LRRC43: variants seen among roughly 807,000 people sequenced by gnomAD.
LRRC43 encodes the protein leucine rich repeat containing 43.
In LRRC43, 62 loss-of-function variants were observed where a neutral mutation model predicts 64.3. The observed-to-expected ratio is 0.96, with a 90% CI of 0.79 to 1.19. The LOEUF is 1.19. Ranked by LOEUF, LRRC43 falls within the 50% of genes most tolerant of loss-of-function variation. The probability of loss-of-function intolerance (pLI) is 0.00; values close to 1 mark genes in which losing one functional copy is unlikely to be tolerated. For missense variants in LRRC43, 868 were observed against 845.0 expected (o/e 1.03, Z -0.34); for synonymous variants, 422 against 382.3 (o/e 1.10, Z -1.21).
chr12:122,180,390 G>A (rs1433254302), upstream of LRRC43, among the ~76,000 whole-genome samples: 1 of 152,004 alleles, frequency 6.6e-6, no homozygotes, highest in African/African-American at 2.4e-5. Context: ...ATGGTGGCGG[G>A]AGCCTGCAAT....
In LRRC43 at chr12:122,183,191, G is replaced by T. The variant is rs890083607; in HGVS notation, c.47G>T (p.Gly16Val). 6 of 1,560,872 alleles carry T rather than the reference G, an allele frequency of 3.8e-6. No homozygotes were observed. The Admixed American group carries it at 7.2e-5, about 19-fold the overall frequency. Reference sequence around the variant, plus strand: ...GAGTCCGAGTCCGAGTCTGAGGCCGGGCCTGGGACTCAGCGGCCCGGGACC... The same window carrying T: ...GAGTCCGAGTCCGAGTCTGAGGCCGTGCCTGGGACTCAGCGGCCCGGGACC... ...ESESESESEA[G>V]PGTQRPGTGT... The change falls in exon 1 of 12, where the codon GGG becomes GTG. Residue 16 changes from glycine to valine, a missense_variant. Gly to Val is a moderately radical substitution (Grantham distance 109). Coordinates refer to ENST00000339777, the MANE Select transcript of LRRC43 (RefSeq NM_001098519.2).
Position 122,200,865 on chromosome 12 carries a change from C to G in LRRC43, c.1740C>G (p.Pro580=). 9 of 1,613,050 alleles carry G rather than the reference C, an allele frequency of 5.6e-6. No homozygotes were observed. The highest frequency in any genetic ancestry group is 7.6e-6 in the Non-Finnish European group (9 of 1,179,872). The change falls in exon 10 of 12, where the codon CCC becomes CCG. Residue 580 remains proline, a synonymous_variant. Transcript: ENST00000339777. The surrounding 1 kb of genome is among the most constrained non-coding windows in gnomAD (Gnocchi z 4.6). ...TGGAGCCCCTGCTCGCCGGGGAGCC[C>G]CTGGTGTCCACCGTGTGCAACTTCG... ...VILEPLLAGE[P]LVSTVCNFGV...
chr12:122,173,238 C>T (rs1449402587), intron 1 of LRRC43, among the ~76,000 whole-genome samples: 2 of 152,190 alleles, frequency 1.3e-5, no homozygotes, highest in Non-Finnish European at 1.5e-5. Context: ...GCCAGCAGCA[C>T]CTCATCAACC....
chr12:122,184,808 T>G lies in LRRC43; in HGVS notation c.411+29T>G, dbSNP rs1417566193. 2 of 1,573,236 alleles carry G rather than the reference T, an allele frequency of 1.3e-6. No individual in the cohort carries two copies. The highest frequency in any genetic ancestry group is 2.3e-5 in the East Asian group (1 of 42,704). On this transcript the variant is annotated intron_variant, in intron 2 of 11. Coordinates refer to ENST00000339777, the MANE Select transcript of LRRC43 (RefSeq NM_001098519.2). This position sits in a 1 kb window ranked among gnomAD's most constrained non-coding sequence, Gnocchi z 4.0. ...AGTGCTGGGCACGTGGTAGGTGATGTTAGGGTGGCCGCTCCCCTAAGGGAG... is the reference window on the plus strand; with the variant it reads ...AGTGCTGGGCACGTGGTAGGTGATGGTAGGGTGGCCGCTCCCCTAAGGGAG...
At chr12:122,181,339 C>A (rs750305884), upstream of LRRC43, among the ~76,000 whole-genome samples, 1 of 151,716 alleles carries the variant, frequency 6.6e-6, no homozygotes, top group Non-Finnish European at 1.5e-5. Flanking sequence ...GTCAGGAGAT[C>A]GAGACCATCC....
intron 1 of LRRC43, 45 bp downstream of exon 1, chr12:122,183,339 G>T (rs1474190640): frequency 7.1e-7 from 1 of 1,399,830 alleles, no homozygotes; most frequent in Non-Finnish European, 9.2e-7. Flanking sequence ...GACCGGCTGC[G>T]GGGAGGCACG....
Position 122,200,845 on chromosome 12 carries a change from C to T in LRRC43, c.1720C>T (p.Pro574Ser), listed in dbSNP as rs374268516. 4 of 1,612,994 alleles carry T rather than the reference C, an allele frequency of 2.5e-6. No homozygotes were observed. Among genetic ancestry groups the T allele is most frequent in the Non-Finnish European group, 3.4e-6 (4 of 1,179,952 alleles). Residue 574 changes from proline (P) to serine (S), a missense_variant, in exon 10 of 12, where the codon CCC (proline) becomes TCC (serine). Pro to Ser is a moderately conservative substitution (Grantham distance 74). Transcript: ENST00000339777. This position sits in a 1 kb window ranked among gnomAD's most constrained non-coding sequence, Gnocchi z 4.6. Reference sequence around the variant, plus strand: ...GGGCCGGGGCCTGGTGATCCTGGAGCCCCTGCTCGCCGGGGAGCCCCTGGT... The same window carrying T: ...GGGCCGGGGCCTGGTGATCCTGGAGTCCCTGCTCGCCGGGGAGCCCCTGGT... ...VLGRGLVILE[P>S]LLAGEPLVST...
chr12:122,183,143 C>T lies in LRRC43; in HGVS notation c.-2C>T, dbSNP rs1953597990. On this transcript the variant is annotated 5_prime_UTR_variant, in exon 1 of 12. Transcript: ENST00000339777. ...CGGTTGCCGGGCAACGCGGCCCGGG[C>T]CATGGAGGCGTCGTACGAGTCCGAG... is the stretch of plus-strand genomic sequence containing the variant. The T allele has an allele frequency of 1.3e-6, 2 of 1,540,242 alleles. No individual in the cohort carries two copies. The highest frequency in any genetic ancestry group is 8.7e-7 in the Non-Finnish European group (1 of 1,149,434).
rs757921206 is a variant in LRRC43, at chr12:122,200,596, G to T, written c.1556G>T (p.Gly519Val). Residue 519 changes from glycine to valine, a missense_variant, in exon 9 of 12, where the codon GGG becomes GTG. By Grantham distance (109) the Gly-to-Val change is moderately radical. Coordinates refer to ENST00000339777, the MANE Select transcript of LRRC43 (RefSeq NM_001098519.2). The surrounding 1 kb of genome is among the most constrained non-coding windows in gnomAD (Gnocchi z 4.6). ...CCCCTGTCTGCCAAGAAAGGAAAGGGGGAGAAAGACAAGAAAGGGAAGGAG... is the reference window on the plus strand; with the variant it reads ...CCCCTGTCTGCCAAGAAAGGAAAGGTGGAGAAAGACAAGAAAGGGAAGGAG... The part of the protein sequence containing the change: ...DSPLSAKKGK[G>V]EKDKKGKEKD... The T allele has an allele frequency of 4.3e-6, 7 of 1,614,170 alleles. No individual in the cohort carries two copies. The South Asian group carries it at 7.7e-5, about 18-fold the overall frequency.
At chr12:122,172,331 C>A in intron 1 of LRRC43, 1 of 1,005,708 alleles carries the variant, frequency 9.9e-7, no homozygotes, top group Non-Finnish European at 1.5e-6. Context: ...TAAGGAATCA[C>A]GGCAGAGTTC....
At chr12:122,197,909 G>GT (rs200179058) in intron 7 of LRRC43, among the ~76,000 whole-genome samples, 29 of 150,594 alleles carry the variant, frequency 1.9e-4, no homozygotes, top group Admixed American at 1.8e-3. Context: ...CTGGTTTGGG[G>GT]TTTTTTTTTC....
chr12:122,171,879 A>AT (rs1953488411), intron 1 of LRRC43, among the ~76,000 whole-genome samples: 2 of 151,812 alleles, frequency 1.3e-5, no homozygotes, highest in South Asian at 4.2e-4. Flanking sequence ...CAGGGTCATT[A>AT]TTTTTTATTG....
At chr12:122,199,084 A>G (rs1367662979) in intron 7 of LRRC43, among the ~76,000 whole-genome samples, 2 of 145,310 alleles carry the variant, frequency 1.4e-5, no homozygotes, top group Non-Finnish European at 3.0e-5. Flanking sequence ...TTCAACGTTC[A>G]ACTTGGACAT....
chr12:122,180,953 C>T (rs140797297), upstream of LRRC43, among the ~76,000 whole-genome samples: 20 of 152,068 alleles, frequency 1.3e-4, 1 homozygote, highest in East Asian at 3.5e-3. Context: ...TGGTGGCTCA[C>T]GCCTGTGATC....
At chr12:122,190,407 C>T (rs1365349377) in intron 5 of LRRC43, 39 bp downstream of exon 5, 5 of 1,531,360 alleles carry the variant, frequency 3.3e-6, no homozygotes, top group Non-Finnish European at 4.5e-6. Flanking sequence ...TGGCATGTGA[C>T]ACCCCAGCCT....
At chr12:122,177,720 G>T (rs570456906) in intron 1 of LRRC43, among the ~76,000 whole-genome samples, 1 of 152,088 alleles carries the variant, frequency 6.6e-6, no homozygotes, top group Non-Finnish European at 1.5e-5. Flanking sequence ...GCCCAGGTTG[G>T]TGTTGAACTC....
rs1953550837 is a variant in LRRC43 at position 122,177,820 on chromosome 12, A to ATTTATTTATTTG, written c.-405-6688_-405-6687insGTTTATTTATTT. Among the ~76,000 whole-genome samples the ATTTATTTATTTG allele has an allele frequency of 2.8e-5, 4 of 141,620 alleles. No homozygotes were observed. In the East Asian group the frequency reaches 8.1e-4, roughly 29 times the overall value. 92.9% of individuals were successfully genotyped at this position (141,620 alleles called of 152,430 possible). On this transcript the variant is annotated intron_variant, in intron 1 of 5. Transcript: ENST00000537729. ...CCTGGCCACCTTTGTGGTTTTATTT[A>ATTTATTTATTTG]TTTATTTATTTATTTATTTATTTAT...
intron 1 of LRRC43, chr12:122,172,825 G>A (rs533673787): frequency 1.1e-4 from 115 of 1,055,936 alleles, no homozygotes; most frequent in South Asian, 9.5e-4. Context: ...TGCTTCCTCC[G>A]TAACCCGCCT....
chr12:122,187,754 C>T lies in LRRC43; in HGVS notation c.576C>T (p.His192=). The T allele has an allele frequency of 6.2e-7, 1 of 1,613,996 alleles. No individual in the cohort carries two copies. The highest frequency in any genetic ancestry group is 1.1e-5 in the South Asian group (1 of 91,070). Reference sequence around the variant, plus strand: ...GCAGCATGGAGTGTCTGTGTGCCCACCCACCCGCCGGCCTGCAGCACTTGG... The same window carrying T: ...GCAGCATGGAGTGTCTGTGTGCCCATCCACCCGCCGGCCTGCAGCACTTGG... ...EISSMECLCA[H]PPAGLQHLGL... Residue 192 remains histidine, a synonymous_variant, in exon 4 of 12, where the codon CAC becomes CAT. Transcript: ENST00000339777.
Sources: gnomAD v4.1 joint callset for allele counts (sites outside exome capture counted in the v4.1 genomes callset) on GRCh38, gnomAD v4.1.1 for gene constraint, Gnocchi (gnomAD v3.1) non-coding constraint, MANE v1.5 for transcripts, NCBI Gene and HGNC (gene_info 2026-07-23, HGNC 2026-07-21) for gene names.